MEIS1: variants seen among roughly 807,000 people sequenced by gnomAD.
The protein encoded by MEIS1 is homeobox protein Meis1.
Under a neutral mutation model 50.8 loss-of-function variants are expected in MEIS1, and 5 were observed. The ratio of observed to expected loss-of-function variants is 0.10; its 90% CI spans 0.05 to 0.21. The LOEUF is 0.21. Among genes scored for constraint, MEIS1 ranks in the 10% least tolerant of loss-of-function variants. The pLI is 1.00. For synonymous variants in MEIS1, 176 were observed against 179.3 expected, an observed-to-expected ratio of 0.98 and a Z score of 0.15; for missense variants, 318 against 517.3, an observed-to-expected ratio of 0.61 and a Z score of 3.74.
chr2:66,446,960 C>A (rs1031809659), intron 6 of MEIS1, among the ~76,000 whole-genome samples: 1 of 152,038 alleles, frequency 6.6e-6, no homozygotes, highest in Admixed American at 6.5e-5. Context: ...GGCTTAAAAT[C>A]CTTTAAACTG....
chr2:66,537,279 T>C (rs920297727), intron 8 of MEIS1, among the ~76,000 whole-genome samples: 5 of 152,212 alleles, frequency 3.3e-5, no homozygotes, highest in Admixed American at 2.6e-4. Context: ...ACCCCTGAAT[T>C]AGCCTGGGCT....
intron 9 of MEIS1, among the ~76,000 whole-genome samples, chr2:66,555,941 T>C: frequency 6.6e-6 from 1 of 152,204 alleles, no homozygotes; most frequent in Non-Finnish European, 1.5e-5. Flanking sequence ...AACGTTGGTC[T>C]TAGATCCGGT....
At position 66,517,412 on chromosome 2, in the gene MEIS1, A is replaced by G. The variant is rs571042793; in HGVS notation, c.888+5118A>G. ...TGAAAACTAGTATGAAGGTGCGAGA[A>G]GATTTTTTTTTCCTTGCAGATGTCC... On this transcript the variant is annotated intron_variant, in intron 8 of 12. Coordinates refer to ENST00000272369, the MANE Select transcript of MEIS1 (RefSeq NM_002398.3). Among the ~76,000 whole-genome samples the G allele has an allele frequency of 9.9e-5, 15 of 152,044 alleles. No individual in the cohort carries two copies. The South Asian group carries it at 3.1e-3, about 31-fold the overall frequency.
Position 66,435,487 on chromosome 2 carries a change from T to TGGCA in MEIS1, c.-368_-365dup, listed in dbSNP as rs1671776660. 1 of 350,092 alleles carries TGGCA rather than the reference T, an allele frequency of 2.9e-6. No homozygotes were observed. Among genetic ancestry groups the TGGCA allele is most frequent in the African/African-American group, 2.1e-5 (1 of 47,710 alleles). 21.7% of individuals were successfully genotyped at this position (350,092 alleles called of 1,614,324 possible). A position where few individuals can be genotyped will look rare whatever the true frequency, so the allele number is the denominator to read the frequency against. ...CCTCGCCTGTGATTGACAGCTGGAG[T>TGGCA]GGCAGAAAGCCATGAGATTTGGTAG... On this transcript the variant is annotated 5_prime_UTR_variant, in exon 1 of 13. Coordinates refer to ENST00000272369, the MANE Select transcript of MEIS1 (RefSeq NM_002398.3).
chr2:66,456,805 TG>T (rs1193007912), intron 6 of MEIS1, among the ~76,000 whole-genome samples: 2 of 152,202 alleles, frequency 1.3e-5, no homozygotes, highest in African/African-American at 4.8e-5. Context: ...AAGATGAGTG[TG>T]GGCCTCCATC....
chr2:66,520,672 A>G (rs1457813304), intron 8 of MEIS1, among the ~76,000 whole-genome samples: 1 of 152,244 alleles, frequency 6.6e-6, no homozygotes, highest in Non-Finnish European at 1.5e-5. Context: ...AGCTGAAGGA[A>G]AAAAATTTAT....
At chr2:66,568,407 T>C (rs559813969) in intron 10 of MEIS1, 11 of 376,076 alleles carry the variant, frequency 2.9e-5, no homozygotes, top group Non-Finnish European at 4.5e-5. Context: ...CAACACCCAT[T>C]ATGTGGTCAC....
At chr2:66,566,822 A>AAAC (rs1240829022) in intron 9 of MEIS1, among the ~76,000 whole-genome samples, 17 of 150,694 alleles carry the variant, frequency 1.1e-4, no homozygotes, top group South Asian at 4.2e-4. Flanking sequence ...AAAAAAAAAA[A>AAAC]AACAACAACA....
intron 8 of MEIS1, among the ~76,000 whole-genome samples, chr2:66,541,339 C>T (rs147721962): frequency 1.3e-5 from 2 of 152,204 alleles, no homozygotes; most frequent in East Asian, 3.9e-4. Flanking sequence ...ACAGGCAGGG[C>T]ATTTTAGTAT....
intron 7 of MEIS1, among the ~76,000 whole-genome samples, chr2:66,499,979 G>C (rs745309672): frequency 3.3e-5 from 5 of 151,836 alleles, no homozygotes; most frequent in African/African-American, 4.8e-5. Context: ...TTTTTCCTAT[G>C]CTAAAAGGGC....
intron 8 of MEIS1, among the ~76,000 whole-genome samples, chr2:66,545,437 G>A (rs1372235527): frequency 2.0e-5 from 3 of 152,134 alleles, no homozygotes; most frequent in African/African-American, 4.8e-5. Context: ...CTGCTAGCCT[G>A]GGTAATCTTT....
chr2:66,442,819 A>G (rs1269650569), intron 5 of MEIS1, 83 bp from the exon 6 acceptor site: 4 of 1,346,628 alleles, frequency 3.0e-6, no homozygotes, highest in Non-Finnish European at 4.0e-6. Flanking sequence ...TTTGGATCTC[A>G]CAAGGGGGGT....
intron 6 of MEIS1, among the ~76,000 whole-genome samples, chr2:66,458,073 GA>G (rs1277808123): frequency 6.6e-6 from 1 of 152,050 alleles, no homozygotes; most frequent in Non-Finnish European, 1.5e-5. Context: ...GCTGCTAACT[GA>G]CACCTTCACA....
intron 6 of MEIS1, among the ~76,000 whole-genome samples, chr2:66,449,538 A>C (rs1672232161): frequency 6.6e-6 from 1 of 152,120 alleles, no homozygotes; most frequent in African/African-American, 2.4e-5. Context: ...AGCTTTTTGG[A>C]GTCTTAAACA....
chr2:66,522,763 A>G (rs1283068964), intron 8 of MEIS1, among the ~76,000 whole-genome samples: 1 of 152,192 alleles, frequency 6.6e-6, no homozygotes, highest in Non-Finnish European at 1.5e-5. Flanking sequence ...GGGGGAGAAA[A>G]AAATAGATTA....
At chr2:66,500,187 A>G (rs1410847389) in intron 7 of MEIS1, among the ~76,000 whole-genome samples, 1 of 152,132 alleles carries the variant, frequency 6.6e-6, no homozygotes, top group African/African-American at 2.4e-5. Context: ...GCTTTACCAC[A>G]TATAATCTAT....
chr2:66,435,770 G>A lies in MEIS1; in HGVS notation c.-87G>A, dbSNP rs566399008. The A allele has an allele frequency of 1.3e-5, 10 of 779,320 alleles. No homozygotes were observed. The highest frequency in any genetic ancestry group is 7.9e-5 in the African/African-American group (4 of 50,416). 48.3% of individuals were successfully genotyped at this position (779,320 alleles called of 1,614,324 possible). A position where few individuals can be genotyped will look rare whatever the true frequency, so the allele number is the denominator to read the frequency against. On this transcript the variant is annotated 5_prime_UTR_variant, in exon 1 of 13. Transcript: ENST00000272369. ...TTTTTTTTTTTTTTTTTTTTTTTCC[G>A]GGGGAGTTTGAATATTTGTTTCTTT... is the stretch of plus-strand genomic sequence containing the variant.
At chr2:66,494,154 C>G (rs962029593) in intron 7 of MEIS1, among the ~76,000 whole-genome samples, 7 of 152,166 alleles carry the variant, frequency 4.6e-5, no homozygotes, top group African/African-American at 1.7e-4. Flanking sequence ...TTGTTCTCAG[C>G]CTTCTCACTC....
intron 6 of MEIS1, among the ~76,000 whole-genome samples, chr2:66,462,619 A>G (rs1672544787): frequency 6.6e-6 from 1 of 152,166 alleles, no homozygotes; most frequent in Admixed American, 6.5e-5. Context: ...CTGCAGTTGT[A>G]CAAACTGAAA....
Sources: allele counts gnomAD v4.1 joint callset (sites outside exome capture counted in the v4.1 genomes callset), GRCh38; gene constraint gnomAD v4.1.1; transcripts MANE v1.5; gene names NCBI Gene and HGNC (gene_info 2026-07-23, HGNC 2026-07-21).